Variants in PPCDC observed in about 807,000 individuals in gnomAD.
PPCDC encodes phosphopantothenoylcysteine decarboxylase.
Under a neutral mutation model 20.7 loss-of-function variants are expected in PPCDC, and 20 were observed. That is an observed-to-expected ratio of 0.97 (90% CI 0.68 to 1.41). The LOEUF is 1.41. PPCDC is among the 40% of genes most tolerant of loss of function. The pLI is 0.00. For synonymous variants in PPCDC, 88 were observed against 100.3 expected (o/e 0.88, Z 0.73); for missense variants, 246 against 263.8 (o/e 0.93, Z 0.47).
Position 75,043,449 on chromosome 15 carries a change from A to C in PPCDC, c.144A>C (p.Val48=). ...CTTCTTCTTGGTGACAGCTGGAAGT[A>C]GCAGTGGTCACAACTGAGAGAGCCA... is the stretch of plus-strand genomic sequence containing the variant. The part of the protein sequence containing the change: ...SKLLDIPGLE[V]AVVTTERAKH... The change falls in exon 3 of 6, where the codon GTA becomes GTC. Residue 48 remains valine, a synonymous_variant. Transcript: ENST00000342932. 6.2e-7 allele frequency: 1 copy of C among 1,611,732 alleles called. No homozygotes were observed. Among genetic ancestry groups the C allele is most frequent in the South Asian group, 1.1e-5 (1 of 90,608 alleles).
At position 75,049,871 on chromosome 15, in the gene PPCDC, T is replaced by G. The variant is rs2066292601; in HGVS notation, c.*636T>G. On this transcript the variant is annotated 3_prime_UTR_variant, in exon 6 of 6. Transcript: ENST00000342932. ...CTTTAGTCCCCGTATAACATGGTGG[T>G]TAAGGATAAAGATCTGAAGCCAGAC... 1 of 152,246 alleles carries G rather than the reference T, an allele frequency of 6.6e-6. No individual in the cohort carries two copies. The highest frequency in any genetic ancestry group is 1.5e-5 in the Non-Finnish European group (1 of 68,130). The allele number at this position is 152,246 out of a possible 1,614,324, so 9.4% of individuals were successfully genotyped here.
At position 75,049,130 on chromosome 15, in the gene PPCDC, CA is replaced by C; in HGVS notation, c.530-19del. The C allele has an allele frequency of 5.0e-6, 8 of 1,610,270 alleles. No homozygotes were observed. The highest frequency in any genetic ancestry group is 1.1e-5 in the South Asian group (1 of 90,990). ...CAGGCACTGTTGGCCTGTCTGGCCA[CA>C]GCGGAATTTTGCTCCCAGGTCTCGG... On this transcript the variant is annotated intron_variant, in intron 5 of 5. Coordinates refer to ENST00000342932, the MANE Select transcript of PPCDC (RefSeq NM_021823.5).
intron 1 of PPCDC, among the ~76,000 whole-genome samples, chr15:75,025,149 C>T (rs939579223): frequency 2.6e-5 from 4 of 152,080 alleles, no homozygotes; most frequent in Non-Finnish European, 4.4e-5. Context: ...CCTGGGTTTG[C>T]TCAATCCTCC....
chr15:75,035,229 T>C (rs1049998345), intron 2 of PPCDC, among the ~76,000 whole-genome samples: 2 of 152,040 alleles, frequency 1.3e-5, no homozygotes, highest in African/African-American at 2.4e-5. Context: ...CCAGGGGACA[T>C]TGGATAATGT....
chr15:75,041,997 T>G (rs901662839), intron 2 of PPCDC, among the ~76,000 whole-genome samples: 3 of 152,228 alleles, frequency 2.0e-5, no homozygotes, highest in Non-Finnish European at 4.4e-5. Flanking sequence ...CACGTAGGAA[T>G]GTGTGTCCAG....
At chr15:75,043,635 G>A in intron 3 of PPCDC, 99 bp downstream of exon 3, 2 of 1,107,624 alleles carry the variant, frequency 1.8e-6, no homozygotes, top group Non-Finnish European at 2.6e-6. Flanking sequence ...GGAACAGACA[G>A]GCTGGGCTCA....
At chr15:75,034,923 A>G (rs1396363556) in intron 2 of PPCDC, among the ~76,000 whole-genome samples, 1 of 152,154 alleles carries the variant, frequency 6.6e-6, no homozygotes, top group African/African-American at 2.4e-5. Context: ...GAGCTGTGCT[A>G]TCTGATATAT....
intron 4 of PPCDC, chr15:75,044,868 G>A (rs528763944): frequency 1.3e-4 from 34 of 254,246 alleles, no homozygotes; most frequent in South Asian, 1.3e-3. Context: ...CAGCCCCATC[G>A]CCTCCCGCTT....
At chr15:75,047,331 A>T (rs2066249502) in intron 4 of PPCDC, among the ~76,000 whole-genome samples, 1 of 152,160 alleles carries the variant, frequency 6.6e-6, no homozygotes, top group Admixed American at 6.5e-5. Context: ...TGGGAAACTA[A>T]TGCTGGTGGC....
At chr15:75,036,448 A>G (rs1167833334) in intron 2 of PPCDC, among the ~76,000 whole-genome samples, 1 of 152,156 alleles carries the variant, frequency 6.6e-6, no homozygotes, top group Non-Finnish European at 1.5e-5. Flanking sequence ...ACCTCCAAGG[A>G]GAGTCAGCTG....
intron 2 of PPCDC, among the ~76,000 whole-genome samples, chr15:75,029,203 C>A (rs1372776891): frequency 6.6e-6 from 1 of 152,160 alleles, no homozygotes; most frequent in Non-Finnish European, 1.5e-5. Flanking sequence ...AGGCTGGCTG[C>A]CCTCTCTGCT....
chr15:75,026,820 G>A (rs1348209350), intron 1 of PPCDC, among the ~76,000 whole-genome samples: 1 of 152,144 alleles, frequency 6.6e-6, no homozygotes, highest in East Asian at 1.9e-4. Context: ...TCTGCTGGAA[G>A]GAGCTTCAGA....
intron 2 of PPCDC, among the ~76,000 whole-genome samples, chr15:75,037,374 T>G (rs2066098085): frequency 6.6e-6 from 1 of 152,180 alleles, no homozygotes; most frequent in Non-Finnish European, 1.5e-5. Context: ...TCGAGAGGGC[T>G]GTTTTATGTA....
rs766243583 is a variant in PPCDC, at chr15:75,049,139, T to C, written c.530-11T>C. ...TTGGCCTGTCTGGCCACAGCGGAAT[T>C]TTGCTCCCAGGTCTCGGGGCCATGG... is the stretch of plus-strand genomic sequence containing the variant. On this transcript the variant is annotated splice_polypyrimidine_tract_variant and intron_variant, in intron 5 of 5. Coordinates refer to ENST00000342932, the MANE Select transcript of PPCDC (RefSeq NM_021823.5). The C allele has an allele frequency of 4.3e-6, 7 of 1,613,422 alleles. No homozygotes were observed. Among genetic ancestry groups the C allele is most frequent in the Non-Finnish European group, 5.9e-6 (7 of 1,179,644 alleles).
At chr15:75,027,954 A>G (rs2065976436) in intron 1 of PPCDC, among the ~76,000 whole-genome samples, 1 of 151,854 alleles carries the variant, frequency 6.6e-6, no homozygotes, top group South Asian at 2.1e-4. Context: ...ATCCTTCAGG[A>G]CTCAACCCCA....
intron 2 of PPCDC, among the ~76,000 whole-genome samples, chr15:75,032,733 C>T (rs199804202): frequency 1.5e-5 from 2 of 137,064 alleles, no homozygotes; most frequent in African/African-American, 5.8e-5. Flanking sequence ...GACCCCCCCC[C>T]CCAAGGCCAA....
chr15:75,026,571 G>A (rs114123841), intron 1 of PPCDC, among the ~76,000 whole-genome samples: 11 of 152,350 alleles, frequency 7.2e-5, no homozygotes, highest in African/African-American at 2.6e-4. Flanking sequence ...CTCAAGTGCT[G>A]AAGGCAAATC....
intron 4 of PPCDC, 36 bp downstream of exon 4, chr15:75,044,550 G>A: frequency 6.2e-7 from 1 of 1,602,056 alleles, no homozygotes; most frequent in African/African-American, 1.3e-5. Flanking sequence ...CCGTCCCTGG[G>A]CCTCACACCC....
chr15:75,041,923 G>C (rs566752007), intron 2 of PPCDC, among the ~76,000 whole-genome samples: 1 of 152,228 alleles, frequency 6.6e-6, no homozygotes, highest in African/African-American at 2.4e-5. Flanking sequence ...ATGAGGACAA[G>C]GTGGAATTGG....
Sources: gnomAD v4.1 joint callset for allele counts (sites outside exome capture counted in the v4.1 genomes callset) on GRCh38, gnomAD v4.1.1 for gene constraint, MANE v1.5 for transcripts, NCBI Gene and HGNC (gene_info 2026-07-23, HGNC 2026-07-21) for gene names.